PSD3: variants seen among roughly 807,000 people sequenced by gnomAD.
PSD3 encodes pleckstrin and Sec7 domain containing 3.
A neutral mutation model predicts 105.5 loss-of-function variants in PSD3; 49 were observed. That is an observed-to-expected ratio of 0.46 (90% confidence interval 0.37 to 0.59). The LOEUF is 0.59. Among genes scored for constraint, PSD3 ranks in the 20% least tolerant of loss-of-function variants. The pLI, the probability that PSD3 is intolerant of heterozygous loss-of-function variation, is 0.00. For synonymous variants in PSD3, 557 were observed against 457.8 expected (o/e 1.22, Z -2.77); for missense variants, 1,561 against 1,263.8 (o/e 1.24, Z -3.57).
At chr8:18,571,017 G>A (rs1237845113) in intron 14 of PSD3, among the ~76,000 whole-genome samples, 1 of 151,922 alleles carries the variant, frequency 6.6e-6, no homozygotes, top group Non-Finnish European at 1.5e-5. Context: ...CCACCACTGC[G>A]CCTGGCTAAT....
At chr8:18,863,176 C>T (rs1816579598) in intron 4 of PSD3, among the ~76,000 whole-genome samples, 1 of 152,200 alleles carries the variant, frequency 6.6e-6, no homozygotes, top group Admixed American at 6.5e-5. Flanking sequence ...TTTCTCCTGT[C>T]CAAACCCAAG....
chr8:18,607,339 T>C (rs973133361), intron 11 of PSD3, among the ~76,000 whole-genome samples: 2 of 152,298 alleles, frequency 1.3e-5, no homozygotes, highest in East Asian at 1.9e-4. Context: ...CAGCAAATGA[T>C]TGCTGAACAC....
At chr8:18,560,984 T>C (rs1348094709) in intron 14 of PSD3, among the ~76,000 whole-genome samples, 1 of 152,128 alleles carries the variant, frequency 6.6e-6, no homozygotes, top group African/African-American at 2.4e-5. Context: ...GGATACAACA[T>C]TTATCCTCAC....
rs113334670 is a variant in PSD3, at chr8:18,861,526, G to A, written c.1634+6148C>T. ...CCTCCAATTTGACCTCTTTATATCTGATCACACTAGGTGTCCTCCTACCAA... is the reference window on the plus strand; with the variant it reads ...CCTCCAATTTGACCTCTTTATATCTAATCACACTAGGTGTCCTCCTACCAA... On this transcript the variant is annotated intron_variant, in intron 4 of 15. Coordinates refer to ENST00000327040, the MANE Select transcript of PSD3 (RefSeq NM_015310.4). Among the ~76,000 whole-genome samples the A allele has an allele frequency of 3.3e-3, 496 of 152,090 alleles. 4 individuals are homozygous for A. Among genetic ancestry groups the A allele is most frequent in the African/African-American group, 0.011 (450 of 41,490 alleles).
intron 11 of PSD3, among the ~76,000 whole-genome samples, chr8:18,629,614 C>T (rs926762377): frequency 6.6e-6 from 1 of 151,900 alleles, no homozygotes; most frequent in Admixed American, 6.6e-5. Context: ...ACAAAGCAGT[C>T]CCATGATTCC....
intron 2 of PSD3, among the ~76,000 whole-genome samples, chr8:18,917,007 C>T (rs1293233473): frequency 2.0e-5 from 3 of 152,170 alleles, no homozygotes; most frequent in Non-Finnish European, 4.4e-5. Flanking sequence ...TCTGAATGTG[C>T]CATGGGCATC....
At chr8:19,083,472 C>A (rs1563551858) in intron 1 of PSD3, among the ~76,000 whole-genome samples, 1 of 152,188 alleles carries the variant, frequency 6.6e-6, no homozygotes, top group East Asian at 1.9e-4. Context: ...ACCTTGGAGG[C>A]CACACAGGGC....
chr8:18,552,872 G>C (rs987344936), intron 15 of PSD3, among the ~76,000 whole-genome samples: 9 of 152,176 alleles, frequency 5.9e-5, no homozygotes, highest in Admixed American at 5.9e-4. Context: ...CCCATTCTGA[G>C]TAAAGTTTGC....
intron 9 of PSD3, among the ~76,000 whole-genome samples, chr8:18,692,766 T>G (rs960803370): frequency 1.3e-5 from 2 of 152,226 alleles, no homozygotes; most frequent in African/African-American, 4.8e-5. Flanking sequence ...CAAATGTATC[T>G]TCGGCCTTTA....
rs943673433 is a variant in PSD3 at position 18,632,594 on chromosome 8, G to C, written c.2410+19C>G. The C allele has an allele frequency of 3.2e-6, 5 of 1,582,772 alleles. No homozygotes were observed. Among genetic ancestry groups the C allele is most frequent in the Non-Finnish European group, 4.3e-6 (5 of 1,167,040 alleles). ...AGATAAAATAAATGAAATAGAAAAT[G>C]ACAACGCATGATACTTACTCTTCTT... On this transcript the variant is annotated intron_variant, in intron 11 of 15. Transcript: ENST00000327040.
At chr8:18,745,548 G>T (rs966209494) in intron 9 of PSD3, among the ~76,000 whole-genome samples, 1 of 152,068 alleles carries the variant, frequency 6.6e-6, no homozygotes, top group African/African-American at 2.4e-5. Flanking sequence ...GATGTTCTAG[G>T]CTCATTTTAT....
At chr8:18,760,230 AC>A (rs1806406434) in intron 9 of PSD3, among the ~76,000 whole-genome samples, 1 of 152,132 alleles carries the variant, frequency 6.6e-6, no homozygotes, top group South Asian at 2.1e-4. Context: ...AAGCTAATTA[AC>A]CTATTTCTCA....
In PSD3 at chr8:18,975,190, TC is replaced by T. The variant is rs537362583; in HGVS notation, c.21+38372del. On this transcript the variant is annotated intron_variant, in intron 1 of 15. Coordinates refer to ENST00000327040, the MANE Select transcript of PSD3 (RefSeq NM_015310.4). Reference sequence around the variant, plus strand: ...TATTAAGGAAAAGGTCTCTGCCTAGTCCCCCCGTTTTCTACATCCCTAATAT... The same window carrying T: ...TATTAAGGAAAAGGTCTCTGCCTAGTCCCCCGTTTTCTACATCCCTAATAT... 2.6e-3 allele frequency among the ~76,000 whole-genome samples: 400 copies of T among 152,102 alleles called. 2 individuals carry two copies. The highest frequency in any genetic ancestry group is 9.2e-3 in the African/African-American group (382 of 41,462).
At chr8:19,035,523 A>AT in intron 1 of PSD3, among the ~76,000 whole-genome samples, 1 of 151,470 alleles carries the variant, frequency 6.6e-6, no homozygotes, top group African/African-American at 2.4e-5. Context: ...TTAAAAAAAA[A>AT]CAACAAAATT....
At chr8:18,655,561 T>C (rs1808826787) in intron 10 of PSD3, 81 bp downstream of exon 10, 1 of 1,315,244 alleles carries the variant, frequency 7.6e-7, no homozygotes, top group African/African-American at 1.5e-5. Context: ...AATCCTTCTC[T>C]AAGATCACTT....
At position 18,534,289 on chromosome 8, in the gene PSD3, TAAC is replaced by T. The variant is rs1475618659; in HGVS notation, c.*1451_*1453del. 1 of 152,606 alleles carries T rather than the reference TAAC, an allele frequency of 6.6e-6. No individual in the cohort carries two copies. The highest frequency in any genetic ancestry group is 1.5e-5 in the Non-Finnish European group (1 of 68,024). 9.5% of individuals were successfully genotyped at this position (152,606 alleles called of 1,614,324 possible). On this transcript the variant is annotated 3_prime_UTR_variant, in exon 16 of 16. Coordinates refer to ENST00000327040, the MANE Select transcript of PSD3 (RefSeq NM_015310.4). Reference sequence around the variant, plus strand: ...GAAGTTGTGCCACTTGCGGAGATTTTAACTTTAGGGATTACAGAGTTTCAAGGT... The same window carrying T: ...GAAGTTGTGCCACTTGCGGAGATTTTTTTAGGGATTACAGAGTTTCAAGGT...
chr8:19,003,968 A>T (rs904606033), intron 1 of PSD3, among the ~76,000 whole-genome samples: 1 of 152,070 alleles, frequency 6.6e-6, no homozygotes. Context: ...TCCGATCTTA[A>T]GACTTGCATG....
intron 3 of PSD3, among the ~76,000 whole-genome samples, chr8:18,870,711 T>C (rs1032674029): frequency 6.7e-6 from 1 of 150,006 alleles, no homozygotes; most frequent in Non-Finnish European, 1.5e-5. Flanking sequence ...TAAATCAAAA[T>C]ATATGCTACT....
intron 11 of PSD3, among the ~76,000 whole-genome samples, chr8:18,615,275 C>T (rs959309907): frequency 6.6e-6 from 1 of 152,120 alleles, no homozygotes; most frequent in African/African-American, 2.4e-5. Context: ...ACCTGCTCTG[C>T]CCTGACTCCT....
Sources: gnomAD v4.1 joint callset for allele counts (sites outside exome capture counted in the v4.1 genomes callset) on GRCh38, gnomAD v4.1.1 for gene constraint, MANE v1.5 for transcripts, NCBI Gene and HGNC (gene_info 2026-07-23, HGNC 2026-07-21) for gene names.